NCOA3: variants seen among roughly 807,000 people sequenced by gnomAD.
The protein encoded by NCOA3 is nuclear receptor coactivator 3, also known as CBP-interacting protein.
In NCOA3, 51 loss-of-function variants were observed where a neutral mutation model predicts 158.8. That is an observed-to-expected ratio of 0.32 (90% CI 0.26 to 0.41). The LOEUF (loss-of-function observed/expected upper bound fraction) is 0.41, where lower values mean the gene tolerates loss of function less well. Ranked by LOEUF, NCOA3 falls within the 10% of genes least tolerant of loss-of-function variation. NCOA3 has a pLI of 1.00. For missense variants in NCOA3, 1,510 were observed against 1,746.6 expected (o/e 0.86, Z 2.41); for synonymous variants, 537 against 592.4 (o/e 0.91, Z 1.36).
intron 1 of NCOA3, among the ~76,000 whole-genome samples, chr20:47,555,153 T>C (rs2084983513): frequency 6.6e-6 from 1 of 152,214 alleles, no homozygotes; most frequent in Non-Finnish European, 1.5e-5. Flanking sequence ...AATGCAAAGC[T>C]CTATAGATAT....
At chr20:47,646,928 G>A (rs1397651362) in intron 17 of NCOA3, 145 bp from the exon 18 acceptor site, 5 of 671,450 alleles carry the variant, frequency 7.4e-6, no homozygotes, top group Middle Eastern at 3.0e-4. Context: ...TCCTTAGCAT[G>A]TAGAGAAGTG....
chr20:47,565,943 A>G (rs1012257614), intron 1 of NCOA3, among the ~76,000 whole-genome samples: 3 of 152,212 alleles, frequency 2.0e-5, no homozygotes, highest in African/African-American at 7.2e-5. Flanking sequence ...AAGTTTAAAA[A>G]TGAAGCATGT....
At chr20:47,623,793 G>GA (rs11299165) in intron 3 of NCOA3, 118 bp from the exon 4 acceptor site, 50,350 of 791,576 alleles carry the variant, frequency 0.064, 3 homozygotes, top group South Asian at 0.073. Context: ...CTGTCTCGAG[G>GA]AAAAAAAAAA....
chr20:47,605,606 C>T (rs2085934380), intron 2 of NCOA3, among the ~76,000 whole-genome samples: 1 of 151,718 alleles, frequency 6.6e-6, no homozygotes, highest in African/African-American at 2.4e-5. Flanking sequence ...ACCTGTGAGC[C>T]TTGCTTTTGG....
chr20:47,576,869 T>A (rs2085380825), intron 1 of NCOA3, among the ~76,000 whole-genome samples: 2 of 152,136 alleles, frequency 1.3e-5, no homozygotes, highest in Non-Finnish European at 2.9e-5. Context: ...CTTTCCTGTA[T>A]TTATTTTGTG....
At chr20:47,633,106 T>C (rs6018603) in intron 8 of NCOA3, among the ~76,000 whole-genome samples, 20,144 of 152,218 alleles carry the variant, frequency 0.13, 1,941 homozygotes, top group African/African-American at 0.26. Flanking sequence ...TTTCTGATTA[T>C]CAGCTCCATC....
intron 10 of NCOA3, among the ~76,000 whole-genome samples, chr20:47,634,973 G>C (rs2086487122): frequency 6.9e-6 from 1 of 144,178 alleles, no homozygotes; most frequent in Admixed American, 7.1e-5. Context: ...CTGTCACCCA[G>C]GCAGGTGTGC....
Position 47,622,368 on chromosome 20 carries a change from T to C in NCOA3, c.83+38T>C, listed in dbSNP as rs368005337. On this transcript the variant is annotated intron_variant, in intron 3 of 22. Transcript: ENST00000371998. ...TTTCCTGGTGCTTTACCACACTTGTTGTGCCTTTGTTTAAGGATAACATTT... is the reference window on the plus strand; with the variant it reads ...TTTCCTGGTGCTTTACCACACTTGTCGTGCCTTTGTTTAAGGATAACATTT... 3.8e-6 allele frequency: 5 copies of C among 1,331,492 alleles called. No homozygotes were observed. In the African/African-American group the frequency reaches 7.5e-5, roughly 20 times the overall value. The allele number at this position is 1,331,492 out of a possible 1,614,324, so 82.5% of individuals were successfully genotyped here.
At chr20:47,536,635 A>G (rs955851279) in intron 1 of NCOA3, among the ~76,000 whole-genome samples, 1 of 152,050 alleles carries the variant, frequency 6.6e-6, no homozygotes, top group African/African-American at 2.4e-5. Flanking sequence ...GTGATGATTG[A>G]TATCTGTGCT....
Position 47,627,691 on chromosome 20 carries a change from T to C in NCOA3, c.663T>C (p.Tyr221=). The change falls in exon 7 of 23, where the codon TAT becomes TAC. Residue 221 remains tyrosine (Y), a synonymous_variant. Coordinates refer to ENST00000371998, the MANE Select transcript of NCOA3 (RefSeq NM_181659.3). ...CCAGTCCTGAAATGCGCCAGAGATATGAAACAATGCAGTGCTTTGCCCTGT... is the reference window on the plus strand; with the variant it reads ...CCAGTCCTGAAATGCGCCAGAGATACGAAACAATGCAGTGCTTTGCCCTGT... The part of the protein sequence containing the change: ...INASPEMRQR[Y]ETMQCFALSQ... 2 of 1,614,190 alleles carry C rather than the reference T, an allele frequency of 1.2e-6. No individual in the cohort carries two copies. The highest frequency in any genetic ancestry group is 8.5e-7 in the Non-Finnish European group (1 of 1,180,022).
chr20:47,639,219 T>G lies in NCOA3; in HGVS notation c.2707+17T>G. On this transcript the variant is annotated intron_variant, in intron 14 of 22. Coordinates refer to ENST00000371998, the MANE Select transcript of NCOA3 (RefSeq NM_181659.3). Reference sequence around the variant, plus strand: ...CAAGTATGGGTACGTTATTTCTAATTAGTATGTATGATTATTTTGGGAAAA... The same window carrying G: ...CAAGTATGGGTACGTTATTTCTAATGAGTATGTATGATTATTTTGGGAAAA... The G allele has an allele frequency of 6.3e-7, 1 of 1,575,262 alleles. No individual in the cohort carries two copies. Among genetic ancestry groups the G allele is most frequent in the South Asian group, 1.1e-5 (1 of 89,226 alleles).
chr20:47,545,201 G>C (rs1749645880), intron 1 of NCOA3, among the ~76,000 whole-genome samples: 1 of 117,706 alleles, frequency 8.5e-6, no homozygotes, highest in African/African-American at 3.2e-5. Flanking sequence ...TTTTGAGAAA[G>C]AGTCTCACTT....
rs1214113470 is a variant in NCOA3, at chr20:47,604,492, T to A, written c.-19-17737T>A. Among the ~76,000 whole-genome samples the A allele has an allele frequency of 3.3e-5, 5 of 152,276 alleles. 1 individual carries two copies. Among genetic ancestry groups the A allele is most frequent in the South Asian group, 2.1e-4 (1 of 4,836 alleles). ...CCCATGTCTGTCTAGAGTTTGGCTGTGGATAATTGATGATACTATCTTTTC... is the reference window on the plus strand; with the variant it reads ...CCCATGTCTGTCTAGAGTTTGGCTGAGGATAATTGATGATACTATCTTTTC... On this transcript the variant is annotated intron_variant, in intron 2 of 22. Coordinates refer to ENST00000371998, the MANE Select transcript of NCOA3 (RefSeq NM_181659.3).
intron 2 of NCOA3, among the ~76,000 whole-genome samples, chr20:47,618,373 AG>A (rs1282183520): frequency 0.04 from 1,936 of 48,764 alleles, 61 homozygotes; most frequent in African/African-American, 0.13. Context: ...TTTTTTTTAT[AG>A]ACAGAATTCA....
intron 2 of NCOA3, among the ~76,000 whole-genome samples, chr20:47,586,824 C>A (rs1248274128): frequency 6.6e-6 from 1 of 152,176 alleles, no homozygotes; most frequent in African/African-American, 2.4e-5. Flanking sequence ...GTTATGGATT[C>A]TTGGCAGGAA....
intron 1 of NCOA3, among the ~76,000 whole-genome samples, chr20:47,568,737 AG>A (rs1216069602): frequency 2.0e-5 from 3 of 151,972 alleles, no homozygotes; most frequent in Non-Finnish European, 4.4e-5. Context: ...CAGAAGCTGC[AG>A]TGAGCCAATA....
At chr20:47,606,634 C>T (rs1184391125) in intron 2 of NCOA3, among the ~76,000 whole-genome samples, 1 of 152,194 alleles carries the variant, frequency 6.6e-6, no homozygotes, top group Non-Finnish European at 1.5e-5. Flanking sequence ...AAAATGTGCA[C>T]AAAGACTTCT....
intron 19 of NCOA3, among the ~76,000 whole-genome samples, chr20:47,650,471 G>A (rs574240353): frequency 4.0e-5 from 6 of 151,700 alleles, no homozygotes; most frequent in South Asian, 2.1e-4. Flanking sequence ...GGCTGGTCTC[G>A]AACTCCTGAC....
At chr20:47,543,970 TA>T (rs149973050) in intron 1 of NCOA3, among the ~76,000 whole-genome samples, 3 of 151,616 alleles carry the variant, frequency 2.0e-5, no homozygotes, top group Non-Finnish European at 4.4e-5. Flanking sequence ...TCTCAAAGTT[TA>T]AAAAAAAACT....
Sources: gnomAD v4.1 joint callset for allele counts (sites outside exome capture counted in the v4.1 genomes callset) on GRCh38, gnomAD v4.1.1 for gene constraint, MANE v1.5 for transcripts, NCBI Gene and HGNC (gene_info 2026-07-23, HGNC 2026-07-21) for gene names.